Variants in RAB40C observed in about 807,000 individuals in gnomAD.
The protein encoded by RAB40C is RAB40C, member RAS oncogene family, also known as ras-related protein Rab-40C.
RAB40C carries 8 observed loss-of-function variants against 28.1 expected under a neutral mutation model. That is an observed-to-expected ratio of 0.28 (90% CI 0.17 to 0.51). The LOEUF (loss-of-function observed/expected upper bound fraction) is 0.51. Ranked by LOEUF, RAB40C falls within the 20% of genes least tolerant of loss-of-function variation. The pLI is 0.97. For missense variants in RAB40C, 288 were observed against 405.9 expected, an observed-to-expected ratio of 0.71 and a Z score of 2.50; for synonymous variants, 201 against 171.7, an observed-to-expected ratio of 1.17 and a Z score of -1.34.
intron 1 of RAB40C, among the ~76,000 whole-genome samples, chr16:603,219 T>A (rs902853811): frequency 1.3e-5 from 2 of 152,252 alleles, no homozygotes; most frequent in Non-Finnish European, 2.9e-5. Context: ...AAGCTCTAGC[T>A]TCGCAGGAAA....
At chr16:620,318 A>G (rs2036684503) in intron 3 of RAB40C, among the ~76,000 whole-genome samples, 2 of 151,956 alleles carry the variant, frequency 1.3e-5, no homozygotes, top group South Asian at 2.1e-4. Flanking sequence ...GCTTGAACCC[A>G]GGAGGTGGAG....
At position 619,029 on chromosome 16, in the gene RAB40C, G is replaced by A. The variant is rs1273453391; in HGVS notation, c.264+769G>A. 2.5e-4 allele frequency among the ~76,000 whole-genome samples: 28 copies of A among 113,788 alleles called. 1 individual carries two copies. The highest frequency in any genetic ancestry group is 3.5e-4 in the South Asian group (1 of 2,836). 74.6% of individuals were successfully genotyped at this position (113,788 alleles called of 152,430 possible). A position where few individuals can be genotyped will look rare whatever the true frequency, so the allele number is the denominator to read the frequency against. On this transcript the variant is annotated intron_variant, in intron 3 of 5. Transcript: ENST00000248139. ...CATGTGTGCAGTGTGTGCAGGTGTG[G>A]TGTACTTGGAGCTGTGTGTGTGCAC...
intron 3 of RAB40C, among the ~76,000 whole-genome samples, chr16:622,350 G>A (rs1469666241): frequency 2.0e-5 from 3 of 152,204 alleles, no homozygotes; most frequent in Non-Finnish European, 4.4e-5. Flanking sequence ...TGGGAGCAGC[G>A]CCAAGTGCCT....
intron 1 of RAB40C, among the ~76,000 whole-genome samples, chr16:601,917 G>A (rs926657426): frequency 1.7e-4 from 25 of 151,368 alleles, no homozygotes; most frequent in South Asian, 2.1e-4. Flanking sequence ...CACGAGGTCA[G>A]GAGATTGGGA....
intron 2 of RAB40C, 117 bp from the exon 3 acceptor site, chr16:618,083 C>A: frequency 1.1e-6 from 1 of 900,916 alleles, no homozygotes; most frequent in South Asian, 1.5e-5. Flanking sequence ...CTCATTGGCA[C>A]CTGTCCTGGC....
chr16:613,767 G>A (rs1277723426), intron 1 of RAB40C, among the ~76,000 whole-genome samples: 2 of 152,044 alleles, frequency 1.3e-5, no homozygotes, highest in Non-Finnish European at 2.9e-5. Context: ...GGAGTCGTGG[G>A]CAACACCCAG....
intron 1 of RAB40C, among the ~76,000 whole-genome samples, chr16:601,784 C>T (rs1005267542): frequency 3.3e-5 from 4 of 121,260 alleles, no homozygotes; most frequent in Admixed American, 2.2e-4. Context: ...GACTAGGCAA[C>T]GTAGCAAGGC....
intron 1 of RAB40C, chr16:596,404 G>A: frequency 2.2e-6 from 1 of 452,910 alleles, no homozygotes; most frequent in Admixed American, 2.4e-5. Context: ...GCGTAGAGCA[G>A]GAAGGGGTTG....
intron 3 of RAB40C, chr16:624,551 G>A (rs1469237845): frequency 2.0e-6 from 2 of 985,444 alleles, no homozygotes; most frequent in Non-Finnish European, 2.4e-6. Context: ...TCGAAAGATG[G>A]TTCTAAGAGG....
chr16:613,283 G>C (rs928445699), intron 1 of RAB40C, among the ~76,000 whole-genome samples: 2 of 151,472 alleles, frequency 1.3e-5, no homozygotes, highest in African/African-American at 4.9e-5. Flanking sequence ...AGCAGGGACA[G>C]CTGCCCTTGC....
intron 1 of RAB40C, among the ~76,000 whole-genome samples, chr16:613,155 C>T (rs1371620293): frequency 1.4e-5 from 2 of 146,832 alleles, no homozygotes; most frequent in Non-Finnish European, 1.5e-5. Context: ...GGACAGCCGC[C>T]CTGGCCTGTA....
At chr16:625,088 C>A (rs1393335595) in intron 3 of RAB40C, 1 of 747,456 alleles carries the variant, frequency 1.3e-6, no homozygotes, top group East Asian at 3.3e-4. Context: ...GCCGAGAGGA[C>A]ACTTAGCTTC....
At chr16:592,148 G>A (rs754851859) in intron 1 of RAB40C, among the ~76,000 whole-genome samples, 6 of 152,204 alleles carry the variant, frequency 3.9e-5, no homozygotes, top group Non-Finnish European at 7.3e-5. Context: ...CTACGCTGGC[G>A]AACTTACCTC....
At chr16:593,509 C>T (rs951688836) in intron 1 of RAB40C, among the ~76,000 whole-genome samples, 2 of 152,248 alleles carry the variant, frequency 1.3e-5, no homozygotes, top group African/African-American at 2.4e-5. Flanking sequence ...CCCTTCTGTG[C>T]AAGGCTTACT....
At chr16:598,199 G>A (rs1219823822) in intron 1 of RAB40C, among the ~76,000 whole-genome samples, 1 of 151,990 alleles carries the variant, frequency 6.6e-6, no homozygotes, top group Non-Finnish European at 1.5e-5. Context: ...CTAACATGGT[G>A]AAACCCTGTC....
At chr16:599,959 C>T (rs1157200274) in intron 1 of RAB40C, among the ~76,000 whole-genome samples, 2 of 26,322 alleles carry the variant, frequency 7.6e-5, no homozygotes, top group African/African-American at 1.9e-4. Context: ...TTTGTTCCCT[C>T]GTGGCATCAG....
chr16:626,401 G>A (rs938999881), intron 5 of RAB40C, among the ~76,000 whole-genome samples: 2 of 152,310 alleles, frequency 1.3e-5, no homozygotes, highest in Admixed American at 6.5e-5. Context: ...GGCATTGCTG[G>A]TGTGGGCAGT....
At chr16:619,968 A>G (rs1003638413) in intron 3 of RAB40C, among the ~76,000 whole-genome samples, 3 of 152,220 alleles carry the variant, frequency 2.0e-5, no homozygotes, top group African/African-American at 7.2e-5. Flanking sequence ...CAGCTCCCTC[A>G]TGGGAGCAGA....
At chr16:593,947 C>T (rs1413823490) in intron 1 of RAB40C, among the ~76,000 whole-genome samples, 2 of 152,132 alleles carry the variant, frequency 1.3e-5, no homozygotes, top group South Asian at 2.1e-4. Context: ...GGGTGGTGCA[C>T]GCGGCGGGGA....
Sources: allele counts gnomAD v4.1 joint callset (sites outside exome capture counted in the v4.1 genomes callset), GRCh38; gene constraint gnomAD v4.1.1; transcripts MANE v1.5; gene names NCBI Gene and HGNC (gene_info 2026-07-23, HGNC 2026-07-21).